EXOC6B: variants seen among roughly 807,000 people sequenced by gnomAD.
EXOC6B encodes exocyst complex component 6B, also known as SEC15 homolog B.
In EXOC6B, 54 loss-of-function variants were observed where a neutral mutation model predicts 113.5. The observed-to-expected ratio is 0.48, with a 90% CI of 0.38 to 0.60. The LOEUF is 0.60. EXOC6B is among the 20% of genes least tolerant of loss of function. EXOC6B has a pLI of 0.00. For synonymous variants in EXOC6B, 357 were observed against 339.0 expected, an observed-to-expected ratio of 1.05 and a Z score of -0.58; for missense variants, 797 against 977.5, an observed-to-expected ratio of 0.82 and a Z score of 2.46.
chr2:72,417,149 T>G (rs1694574327), intron 18 of EXOC6B, among the ~76,000 whole-genome samples: 1 of 152,154 alleles, frequency 6.6e-6, no homozygotes, highest in Non-Finnish European at 1.5e-5. Context: ...CTCATAAATC[T>G]CAGTGGTTTA....
chr2:72,194,569 T>TTCTC (rs141826011), intron 20 of EXOC6B, among the ~76,000 whole-genome samples: 5,959 of 143,830 alleles, frequency 0.041, 157 homozygotes, highest in African/African-American at 0.056. Flanking sequence ...GGTGAATGAT[T>TTCTC]TCTCTCTCTC....
intron 5 of EXOC6B, among the ~76,000 whole-genome samples, chr2:72,728,980 G>A (rs1472988610): frequency 6.6e-6 from 1 of 151,910 alleles, no homozygotes; most frequent in Non-Finnish European, 1.5e-5. Context: ...AGCCCCAGAG[G>A]GTAGATATTT....
intron 20 of EXOC6B, among the ~76,000 whole-genome samples, chr2:72,241,796 C>G (rs978942092): frequency 6.6e-6 from 1 of 152,156 alleles, no homozygotes; most frequent in Non-Finnish European, 1.5e-5. Flanking sequence ...GAAATAAAGA[C>G]TTCCTCAAAC....
At position 72,452,288 on chromosome 2, in the gene EXOC6B, A is replaced by T. The variant is rs142884411; in HGVS notation, c.1980+12872T>A. On this transcript the variant is annotated intron_variant, in intron 18 of 21. Transcript: ENST00000272427. ...TCCATGCATGATGTCCCTGTTAGAC[A>T]TTCCAATCTCATCATAACATTGACT... Among the ~76,000 whole-genome samples, 1,013 of 152,348 alleles carry T rather than the reference A, an allele frequency of 6.6e-3. 24 individuals are homozygous for T. Among genetic ancestry groups the T allele is most frequent in the African/African-American group, 0.023 (963 of 41,582 alleles).
intron 6 of EXOC6B, among the ~76,000 whole-genome samples, chr2:72,676,412 A>C (rs1282455521): frequency 6.6e-6 from 1 of 152,266 alleles, no homozygotes; most frequent in Non-Finnish European, 1.5e-5. Context: ...TCCAGAGAAC[A>C]ATTTAAACAA....
intron 20 of EXOC6B, among the ~76,000 whole-genome samples, chr2:72,267,404 A>AGG (rs1431744273): frequency 5.3e-5 from 8 of 152,164 alleles, no homozygotes; most frequent in Admixed American, 5.2e-4. Context: ...TGTCATAGAT[A>AGG]GCTCTTATTA....
intron 1 of EXOC6B, among the ~76,000 whole-genome samples, chr2:72,811,939 T>C (rs916740151): frequency 5.3e-5 from 8 of 152,142 alleles, no homozygotes; most frequent in Admixed American, 2.6e-4. Flanking sequence ...AAAGTTAACA[T>C]GATACTTAAT....
intron 19 of EXOC6B, 99 bp from the exon 20 acceptor site, chr2:72,335,119 G>T: frequency 9.4e-7 from 1 of 1,060,776 alleles, no homozygotes; most frequent in Non-Finnish European, 1.5e-6. Flanking sequence ...CTGGGGGAGA[G>T]GAGGACCAAG....
chr2:72,698,380 TC>T (rs533932688), intron 6 of EXOC6B, among the ~76,000 whole-genome samples: 19 of 152,086 alleles, frequency 1.2e-4, no homozygotes, highest in Non-Finnish European at 2.4e-4. Context: ...GATAAGGTTA[TC>T]GATAAAGAAA....
intron 1 of EXOC6B, among the ~76,000 whole-genome samples, chr2:72,763,854 G>A (rs1343688485): frequency 6.6e-6 from 1 of 152,106 alleles, no homozygotes; most frequent in Non-Finnish European, 1.5e-5. Context: ...GCCAAGGCAG[G>A]CAGATTGCTT....
chr2:72,671,281 A>G (rs1166262185), intron 6 of EXOC6B, among the ~76,000 whole-genome samples: 1 of 152,208 alleles, frequency 6.6e-6, no homozygotes, highest in Non-Finnish European at 1.5e-5. Context: ...GGGACTAATA[A>G]CCAGAACATA....
At chr2:72,403,731 G>C (rs1245190972) in intron 18 of EXOC6B, among the ~76,000 whole-genome samples, 1 of 152,014 alleles carries the variant, frequency 6.6e-6, no homozygotes, top group African/African-American at 2.4e-5. Flanking sequence ...CTTAAAAATA[G>C]AGCCAAGATG....
At chr2:72,695,089 G>A (rs1372353436) in intron 6 of EXOC6B, among the ~76,000 whole-genome samples, 3 of 152,226 alleles carry the variant, frequency 2.0e-5, no homozygotes, top group Admixed American at 6.5e-5. Flanking sequence ...AACCAGGGGA[G>A]AGGTTACAGG....
intron 20 of EXOC6B, among the ~76,000 whole-genome samples, chr2:72,190,355 G>C (rs375053731): frequency 6.6e-6 from 1 of 151,836 alleles, no homozygotes; most frequent in Admixed American, 6.6e-5. Flanking sequence ...CAATATGGTT[G>C]TGTTTTTCTT....
At chr2:72,390,290 C>T (rs1313588316) in intron 18 of EXOC6B, among the ~76,000 whole-genome samples, 2 of 152,132 alleles carry the variant, frequency 1.3e-5, no homozygotes, top group African/African-American at 4.8e-5. Flanking sequence ...ACTTCTATTA[C>T]TCTCATTTTA....
chr2:72,338,327 C>A (rs541594220), intron 19 of EXOC6B, among the ~76,000 whole-genome samples: 156 of 152,176 alleles, frequency 1.0e-3, no homozygotes, highest in African/African-American at 3.7e-3. Context: ...TTTCTCTGCA[C>A]AGAAGGTTCA....
At chr2:72,294,587 T>TA (rs1372605708) in intron 20 of EXOC6B, among the ~76,000 whole-genome samples, 2 of 152,176 alleles carry the variant, frequency 1.3e-5, no homozygotes, top group African/African-American at 4.8e-5. Context: ...CTCAGCCTTT[T>TA]AGTAGGGACA....
intron 6 of EXOC6B, among the ~76,000 whole-genome samples, chr2:72,641,995 C>A (rs1344569919): frequency 6.6e-6 from 1 of 152,178 alleles, no homozygotes; most frequent in African/African-American, 2.4e-5. Context: ...AGCTGAGGGT[C>A]CTGACTGTTA....
At chr2:72,759,854 C>T (rs1257582821) in intron 1 of EXOC6B, among the ~76,000 whole-genome samples, 2 of 152,116 alleles carry the variant, frequency 1.3e-5, no homozygotes, top group African/African-American at 4.8e-5. Flanking sequence ...AATATTCAGC[C>T]CCCTAACTGT....
Sources: allele counts gnomAD v4.1 joint callset (sites outside exome capture counted in the v4.1 genomes callset), GRCh38; gene constraint gnomAD v4.1.1; transcripts MANE v1.5; gene names NCBI Gene and HGNC (gene_info 2026-07-23, HGNC 2026-07-21).